Variants in FOXN3 observed in about 807,000 individuals in gnomAD.
FOXN3 encodes forkhead box protein N3.
A neutral mutation model predicts 38.4 loss-of-function variants in FOXN3; 7 were observed. That is an observed-to-expected ratio of 0.18 (90% CI 0.10 to 0.34). FOXN3 has a LOEUF of 0.34. FOXN3 is among the 10% of genes least tolerant of loss of function. The pLI is 1.00. For synonymous variants in FOXN3, 230 were observed against 242.2 expected (o/e 0.95, Z 0.47); for missense variants, 456 against 613.4 (o/e 0.74, Z 2.71).
At chr14:89,294,997 T>TG (rs2139938745) in intron 3 of FOXN3, among the ~76,000 whole-genome samples, 1 of 152,226 alleles carries the variant, frequency 6.6e-6, no homozygotes, top group Admixed American at 6.5e-5. Flanking sequence ...CTGTAACAAA[T>TG]GCTTACAGGG....
At position 89,261,334 on chromosome 14, in the gene FOXN3, G is replaced by A. The variant is rs183111539; in HGVS notation, c.745+19616C>T. ...TTCATAGATAGAGACACTGAGACCC[G>A]GAAAGACACACGTGCTGCTAGCAAG... is the stretch of plus-strand genomic sequence containing the variant. On this transcript the variant is annotated intron_variant, in intron 4 of 5. Coordinates refer to ENST00000557258, the MANE Select transcript of FOXN3 (RefSeq NM_005197.4). Among the ~76,000 whole-genome samples the A allele has an allele frequency of 8.5e-5, 13 of 152,318 alleles. No individual in the cohort carries two copies. In the East Asian group the frequency reaches 1.9e-3, roughly 23 times the overall value.
At chr14:89,580,422 T>G (rs1409325721) in intron 1 of FOXN3, among the ~76,000 whole-genome samples, 1 of 152,198 alleles carries the variant, frequency 6.6e-6, no homozygotes, top group Non-Finnish European at 1.5e-5. Context: ...TCAAGCTGGG[T>G]AATTGTATAA....
chr14:89,603,711 T>C (rs952134706), intron 1 of FOXN3, among the ~76,000 whole-genome samples: 2 of 152,140 alleles, frequency 1.3e-5, no homozygotes, highest in Non-Finnish European at 2.9e-5. Context: ...TTGAAACATA[T>C]TCATGAGCTC....
chr14:89,310,773 C>T (rs976659272), intron 3 of FOXN3, among the ~76,000 whole-genome samples: 2 of 152,094 alleles, frequency 1.3e-5, no homozygotes, highest in East Asian at 1.9e-4. Context: ...ATTCTACACT[C>T]GGCAACCCTT....
At chr14:89,530,391 T>G (rs955340940) in intron 1 of FOXN3, among the ~76,000 whole-genome samples, 16 of 152,096 alleles carry the variant, frequency 1.1e-4, no homozygotes, top group African/African-American at 3.9e-4. Flanking sequence ...GGAACTCCCC[T>G]TTATAAAACC....
At chr14:89,479,274 A>C (rs6575065) in intron 1 of FOXN3, among the ~76,000 whole-genome samples, 12,387 of 152,162 alleles carry the variant, frequency 0.081, 539 homozygotes, top group Middle Eastern at 0.11. Context: ...TGTTGTTTTC[A>C]TTCAGTTTTA....
chr14:89,457,480 C>A (rs1405870037), intron 1 of FOXN3, among the ~76,000 whole-genome samples: 2 of 152,186 alleles, frequency 1.3e-5, no homozygotes, highest in East Asian at 3.9e-4. Flanking sequence ...TACCGTATGA[C>A]CTTGGGCAAG....
At chr14:89,494,724 G>T (rs1893644433) in intron 1 of FOXN3, among the ~76,000 whole-genome samples, 1 of 152,210 alleles carries the variant, frequency 6.6e-6, no homozygotes, top group African/African-American at 2.4e-5. Flanking sequence ...TCCCTTCCAA[G>T]TAGAGCTGCA....
chr14:89,429,937 T>TTTC (rs1892121005), intron 1 of FOXN3, among the ~76,000 whole-genome samples: 1 of 152,222 alleles, frequency 6.6e-6, no homozygotes, highest in Non-Finnish European at 1.5e-5. Flanking sequence ...ATGAGAGAGA[T>TTTC]ACTTGTCTCC....
chr14:89,310,379 T>C (rs996239895), intron 3 of FOXN3, among the ~76,000 whole-genome samples: 6 of 152,326 alleles, frequency 3.9e-5, no homozygotes, highest in African/African-American at 1.4e-4. Flanking sequence ...GCGGCTCGGC[T>C]GACCTGCAGC....
chr14:89,462,200 G>A (rs1892862385), intron 1 of FOXN3, among the ~76,000 whole-genome samples: 1 of 152,138 alleles, frequency 6.6e-6, no homozygotes, highest in Admixed American at 6.5e-5. Context: ...CCAATCATGA[G>A]GATAAAAGTC....
At chr14:89,523,678 G>A (rs1371793676) in intron 1 of FOXN3, among the ~76,000 whole-genome samples, 2 of 152,304 alleles carry the variant, frequency 1.3e-5, no homozygotes, top group African/African-American at 4.8e-5. Context: ...ACTAAAATGT[G>A]TGGAACACTG....
At chr14:89,174,686 T>C (rs529067589) in intron 5 of FOXN3, among the ~76,000 whole-genome samples, 2 of 152,318 alleles carry the variant, frequency 1.3e-5, no homozygotes, top group East Asian at 3.9e-4. Flanking sequence ...TGCTGGTCGT[T>C]GTTTAAATTT....
chr14:89,260,406 C>A, intron 4 of FOXN3, among the ~76,000 whole-genome samples: 1 of 152,250 alleles, frequency 6.6e-6, no homozygotes, highest in East Asian at 1.9e-4. Flanking sequence ...GAGCTCTGGG[C>A]TGGCACCCCT....
chr14:89,400,876 A>G (rs896065419), intron 2 of FOXN3, among the ~76,000 whole-genome samples: 4 of 151,976 alleles, frequency 2.6e-5, no homozygotes, highest in Admixed American at 6.6e-5. Flanking sequence ...TCTTCATTGC[A>G]TGTAACACAA....
intron 4 of FOXN3, among the ~76,000 whole-genome samples, chr14:89,211,282 T>G (rs1884082922): frequency 6.6e-6 from 1 of 152,264 alleles, no homozygotes; most frequent in African/African-American, 2.4e-5. Context: ...AGTGGCCAAG[T>G]TATCTTGGTC....
rs1156881939 is a variant in FOXN3, at chr14:89,435,917, C to A, written c.-14-23427G>T. 2.6e-5 allele frequency among the ~76,000 whole-genome samples: 4 copies of A among 152,314 alleles called. No homozygotes were observed. The East Asian group carries it at 7.7e-4, about 29-fold the overall frequency. On this transcript the variant is annotated intron_variant, in intron 1 of 6. Coordinates refer to the FOXN3 transcript ENST00000345097. Reference sequence around the variant, plus strand: ...GAACAACCAAGTTGCCTTGGCTGTTCAGAAGATAACACTGACTAAAGGCAC... The same window carrying A: ...GAACAACCAAGTTGCCTTGGCTGTTAAGAAGATAACACTGACTAAAGGCAC...
chr14:89,338,252 G>A (rs533849835), intron 3 of FOXN3, among the ~76,000 whole-genome samples: 2 of 152,290 alleles, frequency 1.3e-5, no homozygotes, highest in African/African-American at 4.8e-5. Flanking sequence ...GGTAGCCAAT[G>A]ATTTCTGGCA....
intron 1 of FOXN3, among the ~76,000 whole-genome samples, chr14:89,589,955 G>A (rs1307749099): frequency 6.6e-6 from 1 of 152,070 alleles, no homozygotes; most frequent in Admixed American, 6.6e-5. Flanking sequence ...TGGAAACAAG[G>A]CAGCTTGGCC....
Sources: gnomAD v4.1 joint callset for allele counts (sites outside exome capture counted in the v4.1 genomes callset) on GRCh38, gnomAD v4.1.1 for gene constraint, MANE v1.5 for transcripts, NCBI Gene and HGNC (gene_info 2026-07-23, HGNC 2026-07-21) for gene names.